REV1: variants seen among roughly 807,000 people sequenced by gnomAD.
REV1 encodes REV1 DNA directed polymerase.
REV1 carries 42 observed loss-of-function variants against 137.4 expected under a neutral mutation model. The ratio of observed to expected loss-of-function variants is 0.31; its 90% CI spans 0.24 to 0.40. The LOEUF is 0.40. REV1 is among the 10% of genes least tolerant of loss of function. The probability of loss-of-function intolerance (pLI) is 1.00; values close to 1 mark genes in which losing one functional copy is unlikely to be tolerated. For synonymous variants in REV1, 524 were observed against 519.2 expected (o/e 1.01, Z -0.12); for missense variants, 1,282 against 1,490.1 (o/e 0.86, Z 2.30).
At position 99,462,435 on chromosome 2, in the gene REV1, A is replaced by C. The variant is rs555261191; in HGVS notation, c.181+61T>G. ...TGAGTAAAAATAGAATTTTAAAACA[A>C]ATCATTCTCAATCCTAATAAAAATA... On this transcript the variant is annotated intron_variant, in intron 3 of 22. Transcript: ENST00000258428. 818 of 1,464,256 alleles carry C rather than the reference A, an allele frequency of 5.6e-4. 2 individuals carry two copies. Among genetic ancestry groups the C allele is most frequent in the Middle Eastern group, 3.4e-3 (19 of 5,650 alleles). 90.7% of individuals were successfully genotyped at this position (1,464,256 alleles called of 1,614,324 possible).
intron 4 of REV1, among the ~76,000 whole-genome samples, chr2:99,444,552 G>A (rs1681947226): frequency 6.6e-6 from 1 of 152,186 alleles, no homozygotes; most frequent in African/African-American, 2.4e-5. Context: ...TCAGTCCATG[G>A]AGACTGCTAC....
Position 99,437,130 on chromosome 2 carries a change from C to T in REV1, c.1214-1189G>A, listed in dbSNP as rs1171211108. The stretch of plus-strand genomic sequence containing the variant: ...AAGTAGCTGAGACCGCAGGTGCGTG[C>T]CACCACGCCCAGCTAATTTTTTTTT... On this transcript the variant is annotated intron_variant, in intron 6 of 22. Coordinates refer to ENST00000258428, the MANE Select transcript of REV1 (RefSeq NM_016316.4). Among the ~76,000 whole-genome samples, 3 of 151,916 alleles carry T rather than the reference C, an allele frequency of 2.0e-5. 1 individual carries two copies. Among genetic ancestry groups the T allele is most frequent in the Non-Finnish European group, 4.4e-5 (3 of 67,998 alleles).
rs977644620 is a variant in REV1 at position 99,464,942 on chromosome 2, T to C, written c.34A>G (p.Asn12Asp). Residue 12 changes from asparagine to aspartate, a missense_variant, in exon 2 of 23, where the codon AAT (asparagine) becomes GAT (aspartate). Asn to Asp is a conservative substitution (Grantham distance 23, BLOSUM62 1). Coordinates refer to ENST00000258428, the MANE Select transcript of REV1 (RefSeq NM_016316.4). ...RRGGWRKRAE[N>D]DGWETWGGYM... ...CACACCCATGTTTCCCAGCCATCAT[T>C]TTCAGCTCGCTTCCTCCATCCACCT... 2.5e-6 allele frequency: 4 copies of C among 1,613,482 alleles called. No homozygotes were observed. The African/African-American group carries it at 5.3e-5, about 22-fold the overall frequency.
At chr2:99,404,964 T>A (rs1168631720) in intron 17 of REV1, among the ~76,000 whole-genome samples, 3 of 152,180 alleles carry the variant, frequency 2.0e-5, no homozygotes, top group African/African-American at 4.8e-5. Context: ...CAGAATGTCC[T>A]GCAATTGGGG....
At chr2:99,413,686 C>CT (rs1335574985) in intron 12 of REV1, among the ~76,000 whole-genome samples, 2 of 152,126 alleles carry the variant, frequency 1.3e-5, no homozygotes, top group Non-Finnish European at 2.9e-5. Context: ...TTCTGTTGCT[C>CT]TAAGTTGGAG....
chr2:99,472,466 C>A (rs1160778547), intron 1 of REV1, among the ~76,000 whole-genome samples: 1 of 152,110 alleles, frequency 6.6e-6, no homozygotes, highest in Non-Finnish European at 1.5e-5. Flanking sequence ...GATGGTTGCA[C>A]AACAATGTGA....
chr2:99,462,130 C>G (rs1411925800), intron 3 of REV1, among the ~76,000 whole-genome samples: 1 of 152,136 alleles, frequency 6.6e-6, no homozygotes, highest in Non-Finnish European at 1.5e-5. Context: ...GACACTGACA[C>G]ACACCCACAC....
intron 5 of REV1, 103 bp downstream of exon 5, chr2:99,442,214 T>G (rs1052373715): frequency 9.3e-7 from 1 of 1,075,736 alleles, no homozygotes; most frequent in East Asian, 2.6e-5. Flanking sequence ...ATCATACCAT[T>G]GCACTCCAGC....
intron 1 of REV1, among the ~76,000 whole-genome samples, chr2:99,477,681 A>G (rs1212800789): frequency 6.6e-6 from 1 of 152,244 alleles, no homozygotes; most frequent in Non-Finnish European, 1.5e-5. Flanking sequence ...CTGAAAATGT[A>G]TAACAAACAT....
chr2:99,483,143 A>G (rs1274174215), intron 1 of REV1, among the ~76,000 whole-genome samples: 1 of 152,206 alleles, frequency 6.6e-6, no homozygotes, highest in Non-Finnish European at 1.5e-5. Context: ...CTTAAAATAA[A>G]AAGCTAAGGA....
At chr2:99,403,559 TC>T in intron 19 of REV1, 135 bp downstream of exon 19, 1 of 1,074,622 alleles carries the variant, frequency 9.3e-7, no homozygotes, top group Non-Finnish European at 1.4e-6. Context: ...ACTGTATACT[TC>T]AGATATTATC....
At chr2:99,440,794 A>C (rs554960406) in intron 5 of REV1, among the ~76,000 whole-genome samples, 4 of 152,364 alleles carry the variant, frequency 2.6e-5, no homozygotes, top group Non-Finnish European at 4.4e-5. Context: ...AGAAAGTCTT[A>C]CATCTAGTTT....
At chr2:99,410,129 G>A (rs1240237411) in intron 14 of REV1, among the ~76,000 whole-genome samples, 2 of 151,994 alleles carry the variant, frequency 1.3e-5, no homozygotes, top group Non-Finnish European at 2.9e-5. Flanking sequence ...TCCTGCCCCA[G>A]CCTCCTGAGT....
intron 3 of REV1, among the ~76,000 whole-genome samples, chr2:99,455,843 C>T (rs1262473902): frequency 6.6e-6 from 1 of 152,050 alleles, no homozygotes; most frequent in Non-Finnish European, 1.5e-5. Flanking sequence ...TTGCATATTC[C>T]CCCTTGTTTC....
At chr2:99,480,681 A>G (rs1686519176) in intron 1 of REV1, among the ~76,000 whole-genome samples, 1 of 152,230 alleles carries the variant, frequency 6.6e-6, no homozygotes, top group Non-Finnish European at 1.5e-5. Context: ...CAATTCAAAA[A>G]TATAGTCAAA....
chr2:99,479,844 T>C (rs1393277454), intron 1 of REV1, among the ~76,000 whole-genome samples: 1 of 151,776 alleles, frequency 6.6e-6, no homozygotes, highest in Non-Finnish European at 1.5e-5. Flanking sequence ...ATGCAATAAA[T>C]GCACAGAGAA....
At chr2:99,403,448 G>C (rs576058609) in intron 19 of REV1, 4 of 578,838 alleles carry the variant, frequency 6.9e-6, no homozygotes, top group Non-Finnish European at 1.2e-5. Context: ...GACATTTGTG[G>C]TAATGTCCTA....
chr2:99,472,896 T>C (rs1356366733), intron 1 of REV1, among the ~76,000 whole-genome samples: 1 of 152,216 alleles, frequency 6.6e-6, no homozygotes, highest in Non-Finnish European at 1.5e-5. Context: ...TATGTAACAT[T>C]TAGATATAAA....
At chr2:99,489,273 G>C (rs1687427594) in intron 1 of REV1, among the ~76,000 whole-genome samples, 1 of 152,208 alleles carries the variant, frequency 6.6e-6, no homozygotes, top group African/African-American at 2.4e-5. Context: ...CACCGGGGAC[G>C]TCGAAGGCGG....
Sources: allele counts gnomAD v4.1 joint callset (sites outside exome capture counted in the v4.1 genomes callset), GRCh38; gene constraint gnomAD v4.1.1; transcripts MANE v1.5; gene names NCBI Gene and HGNC (gene_info 2026-07-23, HGNC 2026-07-21).